Variants in SEC63 observed in about 807,000 individuals in gnomAD.
The protein encoded by SEC63 is SEC63 protein translocation regulator.
SEC63 carries 56 observed loss-of-function variants against 116.2 expected under a neutral mutation model. The observed-to-expected ratio is 0.48, with a 90% CI of 0.39 to 0.60. SEC63 has a LOEUF of 0.60. SEC63 is among the 20% of genes least tolerant of loss of function. SEC63 has a pLI of 0.00. For synonymous variants in SEC63, 273 were observed against 294.6 expected, an observed-to-expected ratio of 0.93 and a Z score of 0.75; for missense variants, 668 against 900.0, an observed-to-expected ratio of 0.74 and a Z score of 3.30.
At chr6:107,922,399 G>C (rs565188396) in intron 3 of SEC63, among the ~76,000 whole-genome samples, 12 of 152,316 alleles carry the variant, frequency 7.9e-5, no homozygotes, top group African/African-American at 2.4e-4. Flanking sequence ...CCAGCTACTT[G>C]GGAAGGTGAA....
chr6:107,939,269 G>A (rs1436087808), intron 1 of SEC63, among the ~76,000 whole-genome samples: 1 of 152,120 alleles, frequency 6.6e-6, no homozygotes, highest in Admixed American at 6.5e-5. Context: ...GCAATGGCAT[G>A]AGACGGTGTC....
chr6:107,957,287 C>A (rs1158001257), intron 1 of SEC63: 1 of 152,144 alleles, frequency 6.6e-6, no homozygotes, highest in Non-Finnish European at 1.5e-5. Flanking sequence ...CCTATTTTTG[C>A]TAAGAGGAAT....
At chr6:107,951,778 T>A (rs998628040) in intron 1 of SEC63, among the ~76,000 whole-genome samples, 2 of 151,290 alleles carry the variant, frequency 1.3e-5, no homozygotes, top group Non-Finnish European at 2.9e-5. Flanking sequence ...GGTCAGGAGA[T>A]CAAGACCATC....
intron 4 of SEC63, among the ~76,000 whole-genome samples, chr6:107,917,779 C>T (rs772843674): frequency 2.6e-5 from 4 of 152,198 alleles, no homozygotes; most frequent in Non-Finnish European, 5.9e-5. Context: ...GGTGAGGGAG[C>T]TGCAGAAGCT....
rs771744796 is a variant in SEC63, at chr6:107,957,909, A to G, written c.101T>C (p.Leu34Pro). The G allele has an allele frequency of 1.9e-6, 3 of 1,612,648 alleles. No homozygotes were observed. The highest frequency in any genetic ancestry group is 2.5e-6 in the Non-Finnish European group (3 of 1,179,286). ...GLIVIPATYY[L>P]WPRDQNAEQI... ...ACCGGCATTCTGATCTCGGGGCCAG[A>G]GGTAGTATGTCGCCGGGATCACGAT... The change falls in exon 1 of 21, where the codon CTC (leucine) becomes CCC (proline). Residue 34 changes from leucine to proline, a missense_variant. This residue lies in a region of SEC63 where 142 missense variants were observed against 169.5 expected (regional missense o/e 0.84). Coordinates refer to ENST00000369002, the MANE Select transcript of SEC63 (RefSeq NM_007214.5).
intron 1 of SEC63, among the ~76,000 whole-genome samples, chr6:107,952,191 A>G (rs1261785307): frequency 1.3e-5 from 2 of 152,168 alleles, no homozygotes; most frequent in African/African-American, 2.4e-5. Context: ...ACGCTTAGCT[A>G]AACATGTTAA....
At chr6:107,898,243 T>C (rs1786911862) in intron 13 of SEC63, among the ~76,000 whole-genome samples, 1 of 125,040 alleles carries the variant, frequency 8.0e-6, no homozygotes, top group Non-Finnish European at 1.7e-5. Flanking sequence ...AGGGCAAGAG[T>C]GAGACCCCAT....
chr6:107,882,908 GAAC>G (rs367670426), intron 17 of SEC63, 77 bp downstream of exon 17: 106 of 931,878 alleles, frequency 1.1e-4, no homozygotes, highest in Middle Eastern at 6.5e-4. Context: ...GCAAACAAAT[GAAC>G]AACAACAACA....
At chr6:107,901,175 C>G (rs1196363556) in intron 13 of SEC63, among the ~76,000 whole-genome samples, 195 bp downstream of exon 13, 1 of 152,158 alleles carries the variant, frequency 6.6e-6, no homozygotes, top group Non-Finnish European at 1.5e-5. Flanking sequence ...AAAAGTAGGA[C>G]TCTATCAGTG....
chr6:107,891,486 T>C (rs1323164383), intron 16 of SEC63, among the ~76,000 whole-genome samples: 1 of 152,076 alleles, frequency 6.6e-6, no homozygotes, highest in Non-Finnish European at 1.5e-5. Flanking sequence ...GTTCTTAGCT[T>C]CCTTGCATTG....
At chr6:107,892,790 T>G (rs1786714288) in intron 16 of SEC63, among the ~76,000 whole-genome samples, 1 of 152,056 alleles carries the variant, frequency 6.6e-6, no homozygotes, top group African/African-American at 2.4e-5. Context: ...TAAAGAGATA[T>G]CACTACAGAT....
At position 107,880,006 on chromosome 6, in the gene SEC63, C is replaced by A. The variant is rs116215263; in HGVS notation, c.1935+1143G>T. Among the ~76,000 whole-genome samples the A allele has an allele frequency of 2.8e-3, 421 of 152,276 alleles. 3 individuals are homozygous for A. Among genetic ancestry groups the A allele is most frequent in the African/African-American group, 9.7e-3 (402 of 41,558 alleles). Reference sequence around the variant, plus strand: ...CTAGGCAGCTTTGAGCACCCCATGGCACTTTTTATACCAATCAATGAATGG... The same window carrying A: ...CTAGGCAGCTTTGAGCACCCCATGGAACTTTTTATACCAATCAATGAATGG... On this transcript the variant is annotated intron_variant, in intron 18 of 20. Coordinates refer to ENST00000369002, the MANE Select transcript of SEC63 (RefSeq NM_007214.5).
At position 107,924,757 on chromosome 6, in the gene SEC63, G is replaced by A. The variant is rs1303611423; in HGVS notation, c.339+61C>T. On this transcript the variant is annotated intron_variant, in intron 3 of 20. Coordinates refer to ENST00000369002, the MANE Select transcript of SEC63 (RefSeq NM_007214.5). Reference sequence around the variant, plus strand: ...AATAGACAATTTCTTTTAGAATGAGGACCTATAGCATTTTCATGGGACCAT... The same window carrying A: ...AATAGACAATTTCTTTTAGAATGAGAACCTATAGCATTTTCATGGGACCAT... The A allele has an allele frequency of 1.7e-5, 14 of 811,850 alleles. No individual in the cohort carries two copies. The Middle Eastern group carries it at 9.2e-4, about 54-fold the overall frequency. 50.3% of individuals were successfully genotyped at this position (811,850 alleles called of 1,614,324 possible). A position where few individuals can be genotyped will look rare whatever the true frequency, so the allele number is the denominator to read the frequency against.
chr6:107,957,810 G>A (rs1467372317), intron 1 of SEC63, 76 bp downstream of exon 1: 3 of 1,374,624 alleles, frequency 2.2e-6, no homozygotes, highest in Non-Finnish European at 2.8e-6. Flanking sequence ...CTGGGGCCGG[G>A]CAAGCGGGCG....
In SEC63 at chr6:107,871,841, C is replaced by T. The variant is rs1264694210; in HGVS notation, c.2146G>A (p.Val716Ile). Residue 716 changes from valine (V) to isoleucine (I), a missense_variant, in exon 21 of 21, where the codon GTT becomes ATT. Coordinates refer to ENST00000369002, the MANE Select transcript of SEC63 (RefSeq NM_007214.5). ...TCTGGCACAGGCTTAGCCTCATGAA[C>T]TTCCAACTAGAAAGAAGAATTAAAT... Reference protein sequence around the residue: ...LDQIKPLKLEVHEAKPVPENH... With the variant: ...LDQIKPLKLEIHEAKPVPENH... The T allele has an allele frequency of 6.2e-7, 1 of 1,613,578 alleles. No homozygotes were observed. The highest frequency in any genetic ancestry group is 1.3e-5 in the African/African-American group (1 of 75,028).
chr6:107,958,184 C>CCGCCGT lies in SEC63; in HGVS notation c.-181_-176dup, dbSNP rs1415218446. Reference sequence around the variant, plus strand: ...GCCGCCGCCACCTCTGCCGCTGCCGCCGCCGTCGCCAGCTCTCGCGAGAGG... The same window carrying CCGCCGT: ...GCCGCCGCCACCTCTGCCGCTGCCGCCGCCGTCGCCGTCGCCAGCTCTCGCGAGAGG... On this transcript the variant is annotated 5_prime_UTR_variant, in exon 1 of 21. Transcript: ENST00000369002. 1 of 941,558 alleles carries CCGCCGT rather than the reference C, an allele frequency of 1.1e-6. No individual in the cohort carries two copies. The highest frequency in any genetic ancestry group is 1.6e-6 in the Non-Finnish European group (1 of 623,506). The allele number at this position is 941,558 out of a possible 1,614,324, so 58.3% of individuals were successfully genotyped here.
rs773255994 is a variant in SEC63 at position 107,901,500 on chromosome 6, G to A, written c.1227C>T (p.Ile409=). The A allele has an allele frequency of 2.5e-6, 4 of 1,590,340 alleles. No homozygotes were observed. Among genetic ancestry groups the A allele is most frequent in the East Asian group, 4.5e-5 (2 of 44,610 alleles). The change falls in exon 13 of 21, where the codon ATC becomes ATT. Residue 409 remains isoleucine (I), a synonymous_variant. Coordinates refer to ENST00000369002, the MANE Select transcript of SEC63 (RefSeq NM_007214.5). The part of the protein sequence containing the change: ...SNHKKYKIKT[I]QDLVSLKESD... ...ATTCTTTTAAACTCACCAAATCCTG[G>A]ATAGTTTTAATTTTATACTGAATAA...
At chr6:107,934,135 G>A (rs1263096394) in intron 1 of SEC63, among the ~76,000 whole-genome samples, 4 of 152,080 alleles carry the variant, frequency 2.6e-5, no homozygotes, top group East Asian at 1.9e-4. Flanking sequence ...CCTCTGCCCC[G>A]CCGCCACCCC....
At chr6:107,917,014 T>C (rs140617138) in intron 4 of SEC63, among the ~76,000 whole-genome samples, 41 of 152,310 alleles carry the variant, frequency 2.7e-4, no homozygotes, top group Admixed American at 1.0e-3. Flanking sequence ...CTGTAACATG[T>C]TCATAATGGC....
Sources: allele counts gnomAD v4.1 joint callset (sites outside exome capture counted in the v4.1 genomes callset), GRCh38; gene constraint gnomAD v4.1.1; regional missense constraint gnomAD v4.1.1; transcripts MANE v1.5; gene names NCBI Gene and HGNC (gene_info 2026-07-23, HGNC 2026-07-21).